The following SLC4A8 variants were observed in gnomAD, a reference collection of about 807,000 sequenced individuals.
The protein encoded by SLC4A8 is solute carrier family 4 member 8, also known as electroneutral sodium bicarbonate exchanger 1.
A neutral mutation model predicts 125.0 loss-of-function variants in SLC4A8; 40 were observed. The ratio of observed to expected loss-of-function variants is 0.32; its 90% confidence interval spans 0.25 to 0.42. The LOEUF (loss-of-function observed/expected upper bound fraction) is 0.42, where lower values mean the gene tolerates loss of function less well. SLC4A8 is among the 10% of genes least tolerant of loss of function. The pLI, the probability that SLC4A8 is intolerant of heterozygous loss-of-function variation, is 1.00. For missense variants in SLC4A8, 863 were observed against 1,355.1 expected, an observed-to-expected ratio of 0.64 and a Z score of 5.70; for synonymous variants, 456 against 476.0, an observed-to-expected ratio of 0.96 and a Z score of 0.55.
chr12:51,424,054 C>T (rs189634636), upstream of SLC4A8, among the ~76,000 whole-genome samples: 1 of 77,446 alleles, frequency 1.3e-5, no homozygotes, highest in African/African-American at 4.6e-5. Flanking sequence ...AAAAAAAAAA[C>T]AAAAAAAACA....
At chr12:51,430,193 A>T (rs1949143218) in intron 1 of SLC4A8, among the ~76,000 whole-genome samples, 1 of 152,118 alleles carries the variant, frequency 6.6e-6, no homozygotes, top group African/African-American at 2.4e-5. Flanking sequence ...ATTGAGAAAC[A>T]TGGCTGATAG....
At chr12:51,467,965 G>A (rs1241437084) in intron 11 of SLC4A8, among the ~76,000 whole-genome samples, 1 of 152,096 alleles carries the variant, frequency 6.6e-6, no homozygotes, top group African/African-American at 2.4e-5. Context: ...TTTTATGATT[G>A]TGTTAGCAAC....
intron 16 of SLC4A8, 86 bp downstream of exon 16, chr12:51,475,292 G>A: frequency 7.4e-7 from 1 of 1,351,808 alleles, no homozygotes. Flanking sequence ...TTATGGGGTT[G>A]ATTGGCCAGG....
intron 16 of SLC4A8, among the ~76,000 whole-genome samples, chr12:51,483,225 C>T (rs1315003769): frequency 4.6e-5 from 7 of 151,974 alleles, no homozygotes; most frequent in South Asian, 2.1e-4. Flanking sequence ...GTATTTGTTT[C>T]GTTTTGCACT....
chr12:51,437,771 T>C (rs1320160996), intron 1 of SLC4A8, among the ~76,000 whole-genome samples: 1 of 152,100 alleles, frequency 6.6e-6, no homozygotes, highest in African/African-American at 2.4e-5. Flanking sequence ...GGAAATGGCA[T>C]GTTAGATGAC....
intron 12 of SLC4A8, 31 bp from the exon 13 acceptor site, chr12:51,470,361 T>C: frequency 1.2e-6 from 2 of 1,611,438 alleles, no homozygotes; most frequent in Non-Finnish European, 8.5e-7. Flanking sequence ...TGATGGGCTA[T>C]GGACTCAGTG....
At chr12:51,426,547 G>GCT (rs1948987499) in intron 1 of SLC4A8, among the ~76,000 whole-genome samples, 1 of 152,164 alleles carries the variant, frequency 6.6e-6, no homozygotes, top group Admixed American at 6.5e-5. Context: ...TGCTAAGGAA[G>GCT]AAAATCTGGG....
At chr12:51,493,460 G>A (rs1258710242) in intron 19 of SLC4A8, among the ~76,000 whole-genome samples, 1 of 151,936 alleles carries the variant, frequency 6.6e-6, no homozygotes, top group Non-Finnish European at 1.5e-5. Context: ...GAGCCAGATG[G>A]GTGAGATGGG....
chr12:51,441,254 C>T, intron 2 of SLC4A8: 1 of 962,566 alleles, frequency 1.0e-6, no homozygotes, highest in South Asian at 4.8e-5. Context: ...CCATTTCTGC[C>T]TGGTGGTTTC....
intron 1 of SLC4A8, among the ~76,000 whole-genome samples, chr12:51,404,653 G>A (rs1456975487): frequency 6.6e-6 from 1 of 152,190 alleles, no homozygotes; most frequent in Non-Finnish European, 1.5e-5. Context: ...ACATGAGGCA[G>A]GAGAGTCAAC....
chr12:51,424,055 A>AC (rs1948871617), upstream of SLC4A8, among the ~76,000 whole-genome samples: 1 of 41,010 alleles, frequency 2.4e-5, no homozygotes, highest in Non-Finnish European at 5.3e-5. Context: ...AAAAAAAAAC[A>AC]AAAAAAACAA....
At chr12:51,433,931 A>G (rs116997996) in intron 1 of SLC4A8, among the ~76,000 whole-genome samples, 2,553 of 142,646 alleles carry the variant, frequency 0.018, 45 homozygotes, top group Non-Finnish European at 0.025. Context: ...GCTGGAGTTC[A>G]GCGTACAAAC....
intron 1 of SLC4A8, among the ~76,000 whole-genome samples, chr12:51,404,566 C>T (rs993989042): frequency 2.0e-5 from 3 of 152,170 alleles, no homozygotes; most frequent in Non-Finnish European, 2.9e-5. Context: ...TCTCCTCCAT[C>T]CCCACATGAC....
At chr12:51,473,805 G>A (rs1240226414) in intron 14 of SLC4A8, among the ~76,000 whole-genome samples, 1 of 152,184 alleles carries the variant, frequency 6.6e-6, no homozygotes. Flanking sequence ...GAATGGCCAA[G>A]GTAGTGGGGT....
In SLC4A8 at chr12:51,397,087, A is replaced by G. The variant is rs1197726352; in HGVS notation, c.-112+5599A>G. On this transcript the variant is annotated intron_variant, in intron 1 of 24. Transcript: ENST00000358657. ...TGGGATTACAGGTGTGTGCCACCAC[A>G]CCCGGCTAATTTTTGTATTTTTAGT... Among the ~76,000 whole-genome samples the G allele has an allele frequency of 2.6e-3, 397 of 151,612 alleles. 1 individual carries two copies. Among genetic ancestry groups the G allele is most frequent in the African/African-American group, 9.2e-3 (380 of 41,332 alleles).
At chr12:51,483,718 T>A (rs1951090147) in intron 16 of SLC4A8, among the ~76,000 whole-genome samples, 2 of 152,192 alleles carry the variant, frequency 1.3e-5, no homozygotes, top group African/African-American at 2.4e-5. Flanking sequence ...GGAAGTATAA[T>A]GCGAAAATTT....
At chr12:51,443,472 A>G (rs530888196) in intron 2 of SLC4A8, among the ~76,000 whole-genome samples, 3 of 152,174 alleles carry the variant, frequency 2.0e-5, no homozygotes, top group Non-Finnish European at 4.4e-5. Context: ...CGTTCCAAAG[A>G]TGAACTCAAG....
chr12:51,462,071 CTT>C (rs1950343916), intron 9 of SLC4A8: 1 of 481,184 alleles, frequency 2.1e-6, no homozygotes, highest in South Asian at 2.3e-5. Context: ...AGACTCATGT[CTT>C]ATCTCTTCTT....
chr12:51,459,901 AT>A, intron 7 of SLC4A8, 49 bp from the exon 8 acceptor site: 1 of 1,507,480 alleles, frequency 6.6e-7, no homozygotes, highest in Non-Finnish European at 9.1e-7. Flanking sequence ...TAAAAACGAT[AT>A]TTAAGGTGGT....
Sources: allele counts gnomAD v4.1 joint callset (sites outside exome capture counted in the v4.1 genomes callset), GRCh38; gene constraint gnomAD v4.1.1; transcripts MANE v1.5; gene names NCBI Gene and HGNC (gene_info 2026-07-23, HGNC 2026-07-21).